TAOK1: variants seen among roughly 807,000 people sequenced by gnomAD.
The protein encoded by TAOK1 is TAO kinase 1, also known as serine/threonine-protein kinase TAO1.
TAOK1 carries 21 observed loss-of-function variants against 138.3 expected under a neutral mutation model. The ratio of observed to expected loss-of-function variants is 0.15; its 90% CI spans 0.11 to 0.22. The LOEUF is 0.22. TAOK1 is among the 10% of genes least tolerant of loss of function. TAOK1 has a pLI of 1.00. For synonymous variants in TAOK1, 361 were observed against 398.4 expected (o/e 0.91, Z 1.12); for missense variants, 651 against 1,227.7 (o/e 0.53, Z 7.02).
chr17:29,519,616 T>C (rs1390415554), intron 16 of TAOK1, among the ~76,000 whole-genome samples: 1 of 152,190 alleles, frequency 6.6e-6, no homozygotes, highest in African/African-American at 2.4e-5. Flanking sequence ...GAAATAAGCT[T>C]GTAATATAGC....
rs2032464917 is a variant in TAOK1, at chr17:29,550,062, A to T, written c.*7040A>T. The T allele has an allele frequency of 6.6e-6, 1 of 152,206 alleles. No individual in the cohort carries two copies. The highest frequency in any genetic ancestry group is 2.4e-5 in the African/African-American group (1 of 41,452). The allele number at this position is 152,206 out of a possible 1,614,324, so 9.4% of individuals were successfully genotyped here. ...ATTTTATCACACCTTGACACCTTAT[A>T]TATGAGCCTATTAGGAGCTGCAGGT... On this transcript the variant is annotated 3_prime_UTR_variant, in exon 20 of 20. Transcript: ENST00000261716.
At chr17:29,486,712 C>T (rs2031180949) in intron 8 of TAOK1, among the ~76,000 whole-genome samples, 1 of 151,922 alleles carries the variant, frequency 6.6e-6, no homozygotes, top group East Asian at 1.9e-4. Flanking sequence ...GATTTTTAGG[C>T]AAGTTTAATG....
Position 29,534,102 on chromosome 17 carries a change from TC to T in TAOK1, c.2362-15del. 6.3e-7 allele frequency: 1 copy of T among 1,578,722 alleles called. No individual in the cohort carries two copies. The highest frequency in any genetic ancestry group is 8.6e-7 in the Non-Finnish European group (1 of 1,165,450). On this transcript the variant is annotated splice_polypyrimidine_tract_variant and intron_variant, in intron 18 of 19. Coordinates refer to ENST00000261716, the MANE Select transcript of TAOK1 (RefSeq NM_020791.4). Reference sequence around the variant, plus strand: ...AGGATATATCTTTTTTTTTTCTCTCTCTCTCTCTGTCTCAGCTGCGTTTGGA... The same window carrying T: ...AGGATATATCTTTTTTTTTTCTCTCTTCTCTCTGTCTCAGCTGCGTTTGGA...
intron 1 of TAOK1, among the ~76,000 whole-genome samples, chr17:29,422,999 T>C (rs988326453): frequency 6.6e-6 from 1 of 152,110 alleles, no homozygotes; most frequent in African/African-American, 2.4e-5. Flanking sequence ...CACTCTAGCC[T>C]GGGTGACAGA....
chr17:29,488,008 C>A (rs2031207894), intron 8 of TAOK1, among the ~76,000 whole-genome samples: 1 of 152,152 alleles, frequency 6.6e-6, no homozygotes, highest in Non-Finnish European at 1.5e-5. Context: ...ATACTCCTGC[C>A]AAAGGTGTTT....
intron 1 of TAOK1, among the ~76,000 whole-genome samples, chr17:29,401,679 A>G (rs1056183254): frequency 4.6e-5 from 7 of 151,214 alleles, no homozygotes; most frequent in African/African-American, 9.7e-5. Flanking sequence ...TTTTTGAGAC[A>G]GGGTTTTACT....
At chr17:29,438,838 T>C (rs1056747689) in intron 1 of TAOK1, among the ~76,000 whole-genome samples, 1 of 152,220 alleles carries the variant, frequency 6.6e-6, no homozygotes, top group Non-Finnish European at 1.5e-5. Flanking sequence ...GTTGTTGGAC[T>C]TTAGTAATTA....
At chr17:29,429,336 C>T (rs969093241) in intron 1 of TAOK1, among the ~76,000 whole-genome samples, 3 of 151,742 alleles carry the variant, frequency 2.0e-5, no homozygotes, top group African/African-American at 7.3e-5. Context: ...ACTCTGTCCC[C>T]CACACTGGGG....
chr17:29,444,042 G>C (rs1254979287), intron 1 of TAOK1, among the ~76,000 whole-genome samples: 1 of 151,870 alleles, frequency 6.6e-6, no homozygotes, highest in African/African-American at 2.4e-5. Context: ...TTGAGCTCGG[G>C]AGACAGAGGT....
chr17:29,468,327 G>C lies in TAOK1; in HGVS notation c.204+1111G>C, dbSNP rs545052174. ...AATTTTTTGTATTTTAGTAGAGACA[G>C]GGTTTCACCATGTTGGCCAGACTGT... On this transcript the variant is annotated intron_variant, in intron 3 of 19. Transcript: ENST00000261716. 2.1e-4 allele frequency among the ~76,000 whole-genome samples: 31 copies of C among 151,206 alleles called. 2 individuals are homozygous for C. In the South Asian group the frequency reaches 5.2e-3, roughly 25 times the overall value.
intron 16 of TAOK1, among the ~76,000 whole-genome samples, chr17:29,519,443 C>G (rs562814933): frequency 6.6e-6 from 1 of 151,782 alleles, no homozygotes; most frequent in South Asian, 2.1e-4. Flanking sequence ...CAACTGAACC[C>G]AAGAGGCGGA....
At chr17:29,398,067 A>T (rs760810010) in intron 1 of TAOK1, among the ~76,000 whole-genome samples, 11 of 151,970 alleles carry the variant, frequency 7.2e-5, no homozygotes, top group Non-Finnish European at 1.5e-4. Context: ...CGGGGTCTCT[A>T]TGTTGCCCAA....
rs186450480 is a variant in TAOK1, at chr17:29,425,806, T to A, written c.-94-25649T>A. Among the ~76,000 whole-genome samples the A allele has an allele frequency of 2.4e-3, 369 of 152,364 alleles. 3 individuals are homozygous for A. Among genetic ancestry groups the A allele is most frequent in the African/African-American group, 8.0e-3 (331 of 41,598 alleles). ...ATTAGATTCTGTTAAAATTGATAGG[T>A]AATTTAAATATTGTAAAATTTCTCT... On this transcript the variant is annotated intron_variant, in intron 1 of 19. Transcript: ENST00000261716.
At chr17:29,542,494 T>C in intron 19 of TAOK1, 67 bp from the exon 20 acceptor site, 2 of 1,388,518 alleles carry the variant, frequency 1.4e-6, no homozygotes, top group East Asian at 2.3e-5. Context: ...TGAATAATTA[T>C]TGCTTCCTTT....
chr17:29,435,917 T>C (rs1401444502), intron 1 of TAOK1, among the ~76,000 whole-genome samples: 2 of 152,048 alleles, frequency 1.3e-5, no homozygotes, highest in African/African-American at 4.8e-5. Flanking sequence ...GATCACGAGG[T>C]CAGGAGTTCG....
intron 8 of TAOK1, 114 bp from the exon 9 acceptor site, chr17:29,489,550 A>G (rs1025863420): frequency 2.2e-5 from 15 of 668,638 alleles, no homozygotes; most frequent in Middle Eastern, 4.2e-4. Context: ...TTTTTTGTGT[A>G]AGTTTAAGAT....
intron 1 of TAOK1, among the ~76,000 whole-genome samples, chr17:29,391,693 T>A (rs1176536138): frequency 6.6e-6 from 1 of 152,216 alleles, no homozygotes; most frequent in Non-Finnish European, 1.5e-5. Flanking sequence ...ACTCTTCCCC[T>A]GAGATCTGTC....
At chr17:29,516,785 G>A (rs2031823815) in intron 15 of TAOK1, among the ~76,000 whole-genome samples, 1 of 152,036 alleles carries the variant, frequency 6.6e-6, no homozygotes, top group South Asian at 2.1e-4. Flanking sequence ...ATAGGTGTAA[G>A]CCATTGCACC....
Position 29,515,562 on chromosome 17 carries a change from G to A in TAOK1, c.1705-1891G>A, listed in dbSNP as rs116322262. 3.7e-3 allele frequency among the ~76,000 whole-genome samples: 556 copies of A among 152,266 alleles called. 5 individuals are homozygous for A. The highest frequency in any genetic ancestry group is 0.013 in the African/African-American group (539 of 41,550). On this transcript the variant is annotated intron_variant, in intron 15 of 19. Transcript: ENST00000261716. ...CTCAAGAAAGATCTAAAGGCCGGGT[G>A]CAGTGGCTCACACGTGTAATCCCAG...
Sources: allele counts gnomAD v4.1 joint callset (sites outside exome capture counted in the v4.1 genomes callset), GRCh38; gene constraint gnomAD v4.1.1; transcripts MANE v1.5; gene names NCBI Gene and HGNC (gene_info 2026-07-23, HGNC 2026-07-21).